The following FZR1 variants were observed in gnomAD, a reference collection of about 807,000 sequenced individuals.
FZR1 encodes fizzy and cell division cycle 20 related 1, also known as fizzy-related protein homolog.
FZR1 carries 11 observed loss-of-function variants against 63.6 expected under a neutral mutation model. The observed-to-expected ratio is 0.17, with a 90% CI of 0.11 to 0.29. The LOEUF is 0.29. Among genes scored for constraint, FZR1 ranks in the 10% least tolerant of loss-of-function variants. FZR1 has a pLI of 1.00. For missense variants in FZR1, 440 were observed against 687.5 expected (o/e 0.64, Z 4.03); for synonymous variants, 328 against 297.9 (o/e 1.10, Z -1.04).
chr19:3,536,386 G>A lies in FZR1; in HGVS notation c.*1550G>A, dbSNP rs1167200556. The stretch of plus-strand genomic sequence containing the variant: ...CTGGGTGGGGCGCGGACCCCTCACT[G>A]TGCGCCTGTGCAGGGGGTGCTGGTG... On this transcript the variant is annotated 3_prime_UTR_variant, in exon 14 of 14. Coordinates refer to ENST00000441788, the MANE Select transcript of FZR1 (RefSeq NM_016263.4). The A allele has an allele frequency of 6.6e-6, 1 of 152,260 alleles. No individual in the cohort carries two copies. The highest frequency in any genetic ancestry group is 1.5e-5 in the Non-Finnish European group (1 of 68,062). 9.4% of individuals were successfully genotyped at this position (152,260 alleles called of 1,614,324 possible).
Position 3,529,762 on chromosome 19 carries a change from A to G in FZR1, c.655-1030A>G, listed in dbSNP as rs558772891. 5.7e-5 allele frequency among the ~76,000 whole-genome samples: 6 copies of G among 104,898 alleles called. No individual in the cohort carries two copies. The East Asian group carries it at 1.0e-3, about 18-fold the overall frequency. 68.8% of individuals were successfully genotyped at this position (104,898 alleles called of 152,430 possible). On this transcript the variant is annotated intron_variant, in intron 7 of 13. Transcript: ENST00000441788. ...TGGATGGGTGAGCGCATGGGAGCGC[A>G]TGGGTGAGCGGATGCGAGAGTGGAT...
Position 3,534,814 on chromosome 19 carries a change from A to C in FZR1, c.1460A>C (p.Asn487Thr). The C allele has an allele frequency of 6.2e-7, 1 of 1,612,734 alleles. No individual in the cohort carries two copies. The highest frequency in any genetic ancestry group is 8.5e-7 in the Non-Finnish European group (1 of 1,179,722). Residue 487 changes from asparagine to threonine, a missense_variant, in exon 14 of 14, where the codon AAC (asparagine) becomes ACC (threonine). Asn to Thr is a moderately conservative substitution (Grantham distance 65, BLOSUM62 0). This residue lies in a region of FZR1 where 28 missense variants were observed against 26.3 expected (regional missense o/e 1.06). Coordinates refer to ENST00000441788, the MANE Select transcript of FZR1 (RefSeq NM_016263.4). Reference protein sequence around the residue: ...RSTKESVSVLNLFTRIR With the variant: ...RSTKESVSVLTLFTRIR ...CTGCAGGAGTCTGTGTCTGTGCTCA[A>C]CCTCTTCACCAGGATCCGGTAAACC...
intron 7 of FZR1, 23 bp downstream of exon 7, chr19:3,527,837 A>C: frequency 6.3e-7 from 1 of 1,582,042 alleles, no homozygotes; most frequent in Non-Finnish European, 8.7e-7. Flanking sequence ...TGGGGTGTGC[A>C]TGTGCATGGG....
At chr19:3,522,863 T>A in intron 1 of FZR1, 93 bp from the exon 2 acceptor site, 1 of 735,960 alleles carries the variant, frequency 1.4e-6, no homozygotes, top group Non-Finnish European at 2.5e-6. Flanking sequence ...CCACAGTCAC[T>A]CTAGCTCCCA....
Position 3,526,396 on chromosome 19 carries a change from C to A in FZR1, c.387+10C>A. 1 of 1,560,480 alleles carries A rather than the reference C, an allele frequency of 6.4e-7. No individual in the cohort carries two copies. On this transcript the variant is annotated intron_variant, in intron 5 of 13. Coordinates refer to ENST00000441788, the MANE Select transcript of FZR1 (RefSeq NM_016263.4). This position sits in a 1 kb window ranked among gnomAD's most constrained non-coding sequence, Gnocchi z 5.4. ...GAAGGGTCTGTTCACGGTAAGCCTG[C>A]GGCACCCCCCACCCGGGAGCTGGCT...
At chr19:3,527,098 CCT>C (rs746024446) in intron 6 of FZR1, 36 bp downstream of exon 6, 6 of 1,467,194 alleles carry the variant, frequency 4.1e-6, no homozygotes, top group South Asian at 2.3e-5. Flanking sequence ...CTCCCTACTC[CCT>C]GTCTCCCGTC....
At position 3,526,862 on chromosome 19, in the gene FZR1, C is replaced by A; in HGVS notation, c.388-118C>A. On this transcript the variant is annotated intron_variant, in intron 5 of 13. Coordinates refer to ENST00000441788, the MANE Select transcript of FZR1 (RefSeq NM_016263.4). The surrounding 1 kb of genome is among the most constrained non-coding windows in gnomAD (Gnocchi z 5.4). ...CCTGCCTTTTTACAGCTGCTCCACA[C>A]AGGGTCTCAGCACCTGCCTTAGGGC... The A allele has an allele frequency of 1.4e-6, 1 of 726,560 alleles. No homozygotes were observed. The highest frequency in any genetic ancestry group is 2.4e-6 in the Non-Finnish European group (1 of 418,572). 45.0% of individuals were successfully genotyped at this position (726,560 alleles called of 1,614,324 possible). A position where few individuals can be genotyped will look rare whatever the true frequency, so the allele number is the denominator to read the frequency against.
chr19:3,534,501 C>G lies in FZR1; in HGVS notation c.1428C>G (p.Thr476=). The G allele has an allele frequency of 6.2e-7, 1 of 1,606,068 alleles. No homozygotes were observed. ...TLRFWNVFSK[T]RSTKESVSVL... Reference sequence around the variant, plus strand: ...GGTTCTGGAACGTCTTTAGCAAAACCCGTTCGACAAAGGTAAAGTGGGTCG... The same window carrying G: ...GGTTCTGGAACGTCTTTAGCAAAACGCGTTCGACAAAGGTAAAGTGGGTCG... Residue 476 remains threonine (T), a synonymous_variant, in exon 13 of 14, where the codon ACC becomes ACG. Transcript: ENST00000441788.
chr19:3,508,200 C>CTTTTTT (rs71166908), intron 1 of FZR1, among the ~76,000 whole-genome samples: 18 of 91,080 alleles, frequency 2.0e-4, no homozygotes, highest in East Asian at 3.5e-4. Flanking sequence ...CATTGATTTT[C>CTTTTTT]TTTTTTTTTT....
At chr19:3,529,955 C>A (rs1205707573) in intron 7 of FZR1, among the ~76,000 whole-genome samples, 6 of 60,658 alleles carry the variant, frequency 9.9e-5, no homozygotes, top group Admixed American at 1.9e-4. Context: ...TGAGCAGATG[C>A]AAGAGTGGAT....
At position 3,516,570 on chromosome 19, in the gene FZR1, C is replaced by T. The variant is rs984429532; in HGVS notation, c.-34-6386C>T. Among the ~76,000 whole-genome samples the T allele has an allele frequency of 9.2e-5, 14 of 152,172 alleles. 1 individual carries two copies. Among genetic ancestry groups the T allele is most frequent in the Admixed American group, 6.5e-4 (10 of 15,268 alleles). On this transcript the variant is annotated intron_variant, in intron 1 of 13. Coordinates refer to ENST00000441788, the MANE Select transcript of FZR1 (RefSeq NM_016263.4). The surrounding 1 kb of genome is among the most constrained non-coding windows in gnomAD (Gnocchi z 6.0). The stretch of plus-strand genomic sequence containing the variant: ...GCTGAGCTGAGCACCGCTAGCAGCA[C>T]CGGGCAAGTGTCCAGGTGAGGTGCC...
chr19:3,530,530 A>G (rs2083235838), intron 7 of FZR1, among the ~76,000 whole-genome samples: 1 of 146,002 alleles, frequency 6.8e-6, no homozygotes, highest in Admixed American at 6.8e-5. Context: ...GAGGGAGTGG[A>G]TGGTTGAGTA....
At chr19:3,528,165 C>T (rs1319199316) in intron 7 of FZR1, among the ~76,000 whole-genome samples, 2 of 152,236 alleles carry the variant, frequency 1.3e-5, no homozygotes, top group African/African-American at 4.8e-5. Flanking sequence ...AGACAGGTGT[C>T]CCAGCCTGGC....
intron 2 of FZR1, among the ~76,000 whole-genome samples, chr19:3,523,947 G>A (rs555811746): frequency 2.6e-4 from 39 of 152,358 alleles, no homozygotes; most frequent in East Asian, 1.7e-3. Flanking sequence ...CCCCCTGTGC[G>A]GTGCGGCCCC....
rs2030056363 is a variant in FZR1, at chr19:3,538,040, A to AGGGCAGGGC, written c.*3206_*3214dup. The AGGGCAGGGC allele has an allele frequency of 6.5e-6, 1 of 154,218 alleles. No individual in the cohort carries two copies. The highest frequency in any genetic ancestry group is 2.4e-5 in the African/African-American group (1 of 41,442). 9.6% of individuals were successfully genotyped at this position (154,218 alleles called of 1,614,324 possible). Reference sequence around the variant, plus strand: ...GCGGGAGGAACAGAGTGAGGAGAGGAGGGCAGGGCGTGCAGGGCCTTGTGG... The same window carrying AGGGCAGGGC: ...GCGGGAGGAACAGAGTGAGGAGAGGAGGGCAGGGCGGGCAGGGCGTGCAGGGCCTTGTGG... On this transcript the variant is annotated 3_prime_UTR_variant, in exon 14 of 14. Coordinates refer to ENST00000441788, the MANE Select transcript of FZR1 (RefSeq NM_016263.4).
rs1234725714 is a variant in FZR1, at chr19:3,525,728, C to T, written c.70-140C>T. 3 of 997,628 alleles carry T rather than the reference C, an allele frequency of 3.0e-6. No homozygotes were observed. Among genetic ancestry groups the T allele is most frequent in the Non-Finnish European group, 4.4e-6 (3 of 679,226 alleles). 61.8% of individuals were successfully genotyped at this position (997,628 alleles called of 1,614,324 possible). A position where few individuals can be genotyped will look rare whatever the true frequency, so the allele number is the denominator to read the frequency against. On this transcript the variant is annotated intron_variant, in intron 2 of 13. Transcript: ENST00000441788. The surrounding 1 kb of genome is among the most constrained non-coding windows in gnomAD (Gnocchi z 4.2). ...AAGTGCTGGGATTACGGGCGTGAGC[C>T]ACCGCGCCTGGCCCACCCCTTGGGT...
rs141685903 is a variant in FZR1 at position 3,517,976 on chromosome 19, G to A, written c.-34-4980G>A. Among the ~76,000 whole-genome samples, 60 of 146,304 alleles carry A rather than the reference G, an allele frequency of 4.1e-4. No individual in the cohort carries two copies. In the East Asian group the frequency reaches 9.9e-3, roughly 24 times the overall value. On this transcript the variant is annotated intron_variant, in intron 1 of 13. Transcript: ENST00000441788. Reference sequence around the variant, plus strand: ...CAGCCTCCTGAGTCCTGGGACTACAGATGTATGCCACCACACCCAGCTAAC... The same window carrying A: ...CAGCCTCCTGAGTCCTGGGACTACAAATGTATGCCACCACACCCAGCTAAC...
intron 1 of FZR1, among the ~76,000 whole-genome samples, chr19:3,508,329 TG>T (rs1389509282): frequency 6.6e-6 from 1 of 151,162 alleles, no homozygotes; most frequent in Non-Finnish European, 1.5e-5. Flanking sequence ...CCTGAGTAGC[TG>T]GGATTACAGG....
chr19:3,516,006 G>A lies in FZR1; in HGVS notation c.-34-6950G>A, dbSNP rs929318222. Among the ~76,000 whole-genome samples the A allele has an allele frequency of 6.6e-6, 1 of 152,152 alleles. No individual in the cohort carries two copies. Among genetic ancestry groups the A allele is most frequent in the African/African-American group, 2.4e-5 (1 of 41,422 alleles). On this transcript the variant is annotated intron_variant, in intron 1 of 13. Transcript: ENST00000441788. This position sits in a 1 kb window ranked among gnomAD's most constrained non-coding sequence, Gnocchi z 6.0. Reference sequence around the variant, plus strand: ...GCGTCTTCCACTCTGACTAGCTGCCGCAGTGACTCCATCTCTGCACACATG... The same window carrying A: ...GCGTCTTCCACTCTGACTAGCTGCCACAGTGACTCCATCTCTGCACACATG...
Sources: gnomAD v4.1 joint callset for allele counts (sites outside exome capture counted in the v4.1 genomes callset) on GRCh38, gnomAD v4.1.1 for gene constraint, gnomAD v4.1.1 regional missense constraint, Gnocchi (gnomAD v3.1) non-coding constraint, MANE v1.5 for transcripts, NCBI Gene and HGNC (gene_info 2026-07-23, HGNC 2026-07-21) for gene names.